The following EFR3B variants were observed in gnomAD, a reference collection of about 807,000 sequenced individuals.
EFR3B encodes the protein protein EFR3 homolog B.
EFR3B carries 64 observed loss-of-function variants against 104.7 expected under a neutral mutation model. That is an observed-to-expected ratio of 0.61 (90% CI 0.50 to 0.75). EFR3B has a LOEUF of 0.75. EFR3B is among the 30% of genes least tolerant of loss of function. The pLI is 0.00. For missense variants in EFR3B, 750 were observed against 1,078.5 expected, an observed-to-expected ratio of 0.70 and a Z score of 4.27; for synonymous variants, 385 against 417.9, an observed-to-expected ratio of 0.92 and a Z score of 0.96.
intron 4 of EFR3B, among the ~76,000 whole-genome samples, chr2:25,113,244 A>C (rs185545524): frequency 2.6e-5 from 4 of 152,152 alleles, no homozygotes; most frequent in Non-Finnish European, 5.9e-5. Context: ...AACAAAACCA[A>C]ATAACCAAAC....
chr2:25,096,368 T>A (rs1490466695), intron 3 of EFR3B, among the ~76,000 whole-genome samples: 1 of 152,222 alleles, frequency 6.6e-6, no homozygotes, highest in Non-Finnish European at 1.5e-5. Flanking sequence ...GCCTTTCTCC[T>A]GGTCCAGGGT....
rs79296301 is a variant in EFR3B, at chr2:25,062,494, A to G, written c.7+20175A>G. Among the ~76,000 whole-genome samples the G allele has an allele frequency of 6.6e-5, 10 of 152,350 alleles. No homozygotes were observed. The East Asian group carries it at 1.9e-3, about 29-fold the overall frequency. ...AGAGAAGAAAACATCCGTGCAAACA[A>G]TCCCAGGGCTGTTTTGCAGTGCTGG... On this transcript the variant is annotated intron_variant, in intron 1 of 22. Coordinates refer to ENST00000403714, the MANE Select transcript of EFR3B (RefSeq NM_014971.2).
intron 4 of EFR3B, among the ~76,000 whole-genome samples, chr2:25,115,817 A>G (rs1669843450): frequency 6.6e-6 from 1 of 152,230 alleles, no homozygotes; most frequent in South Asian, 2.1e-4. Flanking sequence ...AGTGCCACAG[A>G]AATATTTACT....
chr2:25,112,784 G>A (rs1449835921), intron 4 of EFR3B, among the ~76,000 whole-genome samples: 1 of 152,168 alleles, frequency 6.6e-6, no homozygotes, highest in African/African-American at 2.4e-5. Flanking sequence ...CAGCAAAAAG[G>A]CCTTCAGTCC....
intron 3 of EFR3B, among the ~76,000 whole-genome samples, chr2:25,095,466 C>T (rs907833725): frequency 6.6e-5 from 10 of 152,182 alleles, no homozygotes; most frequent in Middle Eastern, 3.4e-3. Context: ...AAGGCTGAGG[C>T]GGGTGGATCA....
intron 4 of EFR3B, among the ~76,000 whole-genome samples, chr2:25,108,268 G>T (rs1360990664): frequency 1.3e-5 from 2 of 152,166 alleles, no homozygotes; most frequent in African/African-American, 4.8e-5. Context: ...ATTCACTTCT[G>T]CACACCTGCC....
chr2:25,046,506 C>CTTTTTTTTTTTTT (rs531667109), intron 1 of EFR3B, among the ~76,000 whole-genome samples: 35 of 119,108 alleles, frequency 2.9e-4, no homozygotes, highest in East Asian at 2.5e-3. Context: ...AGTACAAAGT[C>CTTTTTTTTTTTTT]TTTTTTTTTT....
intron 3 of EFR3B, among the ~76,000 whole-genome samples, chr2:25,101,804 A>G (rs1462683918): frequency 1.3e-5 from 2 of 152,116 alleles, no homozygotes; most frequent in Admixed American, 6.6e-5. Flanking sequence ...GGAGACATCT[A>G]GCATTCTGCC....
chr2:25,149,957 G>A lies in EFR3B; in HGVS notation c.2191+215G>A, dbSNP rs557495595. Among the ~76,000 whole-genome samples, 3 of 152,298 alleles carry A rather than the reference G, an allele frequency of 2.0e-5. No homozygotes were observed. The South Asian group carries it at 6.2e-4, about 32-fold the overall frequency. On this transcript the variant is annotated intron_variant, in intron 20 of 22. Coordinates refer to ENST00000403714, the MANE Select transcript of EFR3B (RefSeq NM_014971.2). The stretch of plus-strand genomic sequence containing the variant: ...TGATGGGGGTCAGTAGTGAGGCCCT[G>A]TGTGGCCCACAGTGGGCAACGCTTT...
chr2:25,121,352 C>T (rs1287513127), intron 4 of EFR3B, among the ~76,000 whole-genome samples: 1 of 152,222 alleles, frequency 6.6e-6, no homozygotes, highest in East Asian at 1.9e-4. Context: ...CCTCCCCGCC[C>T]CCGTGTGTTT....
At chr2:25,072,453 G>A (rs963406592) in intron 1 of EFR3B, among the ~76,000 whole-genome samples, 8 of 152,002 alleles carry the variant, frequency 5.3e-5, no homozygotes, top group African/African-American at 1.9e-4. Flanking sequence ...GCTAATTTTT[G>A]CATTTTTTGG....
At chr2:25,059,508 A>G (rs1177808754) in intron 1 of EFR3B, among the ~76,000 whole-genome samples, 1 of 145,716 alleles carries the variant, frequency 6.9e-6, no homozygotes, top group Admixed American at 7.1e-5. Context: ...TTCCAGTAGT[A>G]TGAGGAAGCT....
At chr2:25,135,244 G>T (rs1216156313) in intron 12 of EFR3B, among the ~76,000 whole-genome samples, 3 of 152,108 alleles carry the variant, frequency 2.0e-5, no homozygotes, top group East Asian at 3.9e-4. Flanking sequence ...GTCCCTGCAC[G>T]CTGTCCCCAT....
chr2:25,081,415 G>GTACCTAC, intron 1 of EFR3B: 1 of 1,260,276 alleles, frequency 7.9e-7, no homozygotes, highest in South Asian at 1.2e-5. Flanking sequence ...TCTTTCTTCT[G>GTACCTAC]TACCTACTTT....
At chr2:25,141,153 T>C (rs1055618953) in intron 16 of EFR3B, among the ~76,000 whole-genome samples, 1 of 152,014 alleles carries the variant, frequency 6.6e-6, no homozygotes, top group Non-Finnish European at 1.5e-5. Context: ...GTGTCATTGA[T>C]GGCCATGGCC....
chr2:25,142,169 A>G (rs1274892999), intron 17 of EFR3B, among the ~76,000 whole-genome samples: 1 of 151,572 alleles, frequency 6.6e-6, no homozygotes, highest in Non-Finnish European at 1.5e-5. Flanking sequence ...CGGGCTGGGC[A>G]CAGTGACTCA....
At chr2:25,135,242 A>G (rs1670486642) in intron 12 of EFR3B, among the ~76,000 whole-genome samples, 1 of 152,004 alleles carries the variant, frequency 6.6e-6, no homozygotes, top group African/African-American at 2.4e-5. Flanking sequence ...ATGTCCCTGC[A>G]CGCTGTCCCC....
rs954400055 is a variant in EFR3B at position 25,136,702 on chromosome 2, G to A, written c.1560+104G>A. ...TGAGGCGGGCGGATAGATCACTTGAGGTGGGGAGCTCGAGACCAGCCAGAC... is the reference window on the plus strand; with the variant it reads ...TGAGGCGGGCGGATAGATCACTTGAAGTGGGGAGCTCGAGACCAGCCAGAC... On this transcript the variant is annotated intron_variant, in intron 14 of 22. Transcript: ENST00000403714. The surrounding 1 kb of genome is among the most constrained non-coding windows in gnomAD (Gnocchi z 4.0). The A allele has an allele frequency of 1.0e-5, 10 of 956,572 alleles. No homozygotes were observed. The African/African-American group carries it at 1.6e-4, about 16-fold the overall frequency. 59.3% of individuals were successfully genotyped at this position (956,572 alleles called of 1,614,324 possible).
At chr2:25,094,135 A>G (rs957361813) in intron 3 of EFR3B, among the ~76,000 whole-genome samples, 1 of 151,932 alleles carries the variant, frequency 6.6e-6, no homozygotes, top group African/African-American at 2.4e-5. Flanking sequence ...ATAAACAAAA[A>G]TAAGCTGGGC....
Sources: gnomAD v4.1 joint callset for allele counts (sites outside exome capture counted in the v4.1 genomes callset) on GRCh38, gnomAD v4.1.1 for gene constraint, Gnocchi (gnomAD v3.1) non-coding constraint, MANE v1.5 for transcripts, NCBI Gene and HGNC (gene_info 2026-07-23, HGNC 2026-07-21) for gene names.